SLC6A8: variants seen among roughly 807,000 people sequenced by gnomAD.
SLC6A8 encodes sodium- and chloride-dependent creatine transporter 1.
Under a neutral mutation model 48.3 loss-of-function variants are expected in SLC6A8, and 6 were observed. That is an observed-to-expected ratio of 0.12 (90% confidence interval 0.07 to 0.25). The LOEUF (loss-of-function observed/expected upper bound fraction) is 0.25. SLC6A8 is among the 10% of genes least tolerant of loss of function. The pLI is 1.00. For synonymous variants in SLC6A8, 245 were observed against 244.0 expected, an observed-to-expected ratio of 1.00 and a Z score of -0.04; for missense variants, 260 against 551.5, an observed-to-expected ratio of 0.47 and a Z score of 5.29.
At chrX:153,690,881 G>A (rs782293050) in intron 2 of SLC6A8, 2 of 236,566 alleles carry the variant, frequency 8.5e-6, no homozygotes, top group East Asian at 2.0e-4. Flanking sequence ...CACTACCTCA[G>A]GCGACTAGAA....
Position 153,695,125 on chromosome X carries a change from C to G in SLC6A8, c.1819C>G (p.Arg607Gly), listed in dbSNP as rs1377233837. 4.2e-6 allele frequency: 5 copies of G among 1,201,140 alleles called. No individual in the cohort carries two copies. Among genetic ancestry groups the G allele is most frequent in the Non-Finnish European group, 5.6e-6 (5 of 890,369 alleles). ...CTGGGGCCTCCACCACTTGGAGTAC[C>G]GAGCTCAGGACGCAGATGTCAGGGG... ...PIWGLHHLEY[R>G]AQDADVRGLT... is the part of the protein sequence containing the mutation. Residue 607 changes from arginine to glycine, a missense_variant, in exon 13 of 13, where the codon CGA (arginine) becomes GGA (glycine). Coordinates refer to ENST00000253122, the MANE Select transcript of SLC6A8 (RefSeq NM_005629.4).
At chrX:153,691,623 G>A (rs1314634474) in intron 3 of SLC6A8, 70 bp downstream of exon 3, 1 of 1,162,195 alleles carries the variant, frequency 8.6e-7, no homozygotes, top group Non-Finnish European at 1.2e-6. Flanking sequence ...CGGCTCCAGG[G>A]GAGTGGCCCT....
chrX:153,691,261 T>C (rs1282279383), intron 2 of SLC6A8, 43 bp from the exon 3 acceptor site: 14 of 1,162,591 alleles, frequency 1.2e-5, no homozygotes, highest in South Asian at 1.9e-5. Flanking sequence ...CAGGGGGAGG[T>C]GGCCAGGGAA....
chrX:153,690,777 G>A (rs1160105745), intron 2 of SLC6A8: 4 of 363,610 alleles, frequency 1.1e-5, no homozygotes, highest in African/African-American at 5.2e-5. Context: ...GGCTCTCTAG[G>A]TAGGTCCTAC....
Position 153,691,564 on chromosome X carries a change from C to T in SLC6A8, c.644+11C>T. On this transcript the variant is annotated intron_variant, in intron 3 of 12. Transcript: ENST00000253122. ...CATCGAGTTCTGGGAGTGAGTCCGG[C>T]ACCTCTGGGCCAAGCCCATCCCATC... The T allele has an allele frequency of 5.8e-6, 7 of 1,210,897 alleles. No individual in the cohort carries two copies. Among genetic ancestry groups the T allele is most frequent in the Non-Finnish European group, 7.8e-6 (7 of 894,869 alleles).
intron 4 of SLC6A8, chrX:153,692,508 G>A (rs1345609450): frequency 8.8e-6 from 3 of 341,159 alleles, no homozygotes; most frequent in Non-Finnish European, 5.7e-6. Context: ...AGTGTCTAGA[G>A]CTGTGGGACA....
In SLC6A8 at chrX:153,688,600, G is replaced by T. The variant is rs1198790754; in HGVS notation, c.26G>T (p.Gly9Val). 42 of 1,062,310 alleles carry T rather than the reference G, an allele frequency of 4.0e-5. No individual in the cohort carries two copies. The highest frequency in any genetic ancestry group is 1.3e-5 in the Non-Finnish European group (11 of 818,641). 87.5% of individuals were successfully genotyped at this position (1,062,310 alleles called of 1,213,427 possible). ...ATGGCGAAGAAGAGCGCCGAGAACG[G>T]CATCTATAGCGTGTCCGGCGACGAG... MAKKSAEN[G>V]IYSVSGDEKK... The change falls in exon 1 of 13, where the codon GGC becomes GTC. Residue 9 changes from glycine (G) to valine (V), a missense_variant. Gly to Val is a moderately radical substitution (Grantham distance 109, BLOSUM62 -3). Around this residue, in one of 7 missense-constraint regions of SLC6A8, gnomAD observed 50 missense variants for 55.1 expected, o/e 0.91. Transcript: ENST00000253122.
rs781856668 is a variant in SLC6A8 at position 153,693,764 on chromosome X, C to T, written c.1142-141C>T. On this transcript the variant is annotated intron_variant, in intron 7 of 12. Coordinates refer to ENST00000253122, the MANE Select transcript of SLC6A8 (RefSeq NM_005629.4). Reference sequence around the variant, plus strand: ...TCAATGTTGACAGAGAAAGGACCTCCCAGCCCCTGCCGCACGACCCAGGGT... The same window carrying T: ...TCAATGTTGACAGAGAAAGGACCTCTCAGCCCCTGCCGCACGACCCAGGGT... 2.0e-5 allele frequency: 16 copies of T among 781,579 alleles called. No individual in the cohort carries two copies. In the South Asian group the frequency reaches 3.6e-4, roughly 18 times the overall value. The allele number at this position is 781,579 out of a possible 1,213,427, so 64.4% of individuals were successfully genotyped here. A position where few individuals can be genotyped will look rare whatever the true frequency, so the allele number is the denominator to read the frequency against.
At position 153,693,302 on chromosome X, in the gene SLC6A8, G is replaced by A. The variant is rs373953317; in HGVS notation, c.952G>A (p.Ala318Thr). ...DAGTQIFFSY[A>T]IGLGALTALG... ...GGGGACCCAGATTTTCTTTTCTTACGCCATTGGCCTGGGGGCCCTCACAGC... is the reference window on the plus strand; with the variant it reads ...GGGGACCCAGATTTTCTTTTCTTACACCATTGGCCTGGGGGCCCTCACAGC... Residue 318 changes from alanine (A) to threonine (T), a missense_variant, in exon 6 of 13, where the codon GCC (alanine) becomes ACC (threonine). Ala to Thr is a moderately conservative substitution (Grantham distance 58, BLOSUM62 0). Coordinates refer to ENST00000253122, the MANE Select transcript of SLC6A8 (RefSeq NM_005629.4). 1.7e-6 allele frequency: 2 copies of A among 1,209,954 alleles called. No individual in the cohort carries two copies. The highest frequency in any genetic ancestry group is 3.0e-5 in the East Asian group (1 of 33,775).
chrX:153,692,403 T>C lies in SLC6A8; in HGVS notation c.777+296T>C, dbSNP rs2091461001. On this transcript the variant is annotated intron_variant, in intron 4 of 12. Transcript: ENST00000253122. ...GTCTGGTGGACCTGGTCTGGCCATC[T>C]GTTACCTATCTTGCCTTGGGGACCC... 3 of 391,298 alleles carry C rather than the reference T, an allele frequency of 7.7e-6. No homozygotes were observed. The South Asian group carries it at 7.7e-5, about 10-fold the overall frequency. The allele number at this position is 391,298 out of a possible 1,213,427, so 32.2% of individuals were successfully genotyped here.
At chrX:153,693,749 CAG>C (rs782744194) in intron 7 of SLC6A8, among the ~76,000 whole-genome samples, 154 bp from the exon 8 acceptor site, 114 of 113,375 alleles carry the variant, frequency 1.0e-3, no homozygotes, top group Admixed American at 1.5e-3. Flanking sequence ...TCAATGTTGA[CAG>C]AGAAAGGACC....
chrX:153,691,488 C>T lies in SLC6A8; in HGVS notation c.579C>T (p.Ala193=), dbSNP rs782164730. Residue 193 remains alanine, a synonymous_variant, in exon 3 of 13, where the codon GCC becomes GCT. Coordinates refer to ENST00000253122, the MANE Select transcript of SLC6A8 (RefSeq NM_005629.4). Reference sequence around the variant, plus strand: ...TCCGCCATGAAGACTGTGCCAATGCCAGCCTGGCCAACCTCACCTGTGACC... The same window carrying T: ...TCCGCCATGAAGACTGTGCCAATGCTAGCCTGGCCAACCTCACCTGTGACC... ...EIFRHEDCAN[A]SLANLTCDQL... is the part of the protein sequence containing the mutation. The T allele has an allele frequency of 2.4e-5, 29 of 1,211,840 alleles. No individual in the cohort carries two copies. Among genetic ancestry groups the T allele is most frequent in the Non-Finnish European group, 3.0e-5 (27 of 895,230 alleles).
intron 4 of SLC6A8, chrX:153,692,335 AC>A: frequency 2.2e-6 from 1 of 459,613 alleles, no homozygotes. Context: ...TGTGCCCATC[AC>A]CCCCACTGGT....
Position 153,688,081 on chromosome X carries a change from T to G in SLC6A8, c.-494T>G. 1.2e-5 allele frequency: 1 copy of G among 80,124 alleles called. No homozygotes were observed. The highest frequency in any genetic ancestry group is 4.8e-5 in the African/African-American group (1 of 20,837). The allele number at this position is 80,124 out of a possible 1,213,427, so 6.6% of individuals were successfully genotyped here. On this transcript the variant is annotated 5_prime_UTR_variant, in exon 1 of 13. Transcript: ENST00000253122. ...GCCGCCGCCACCACCGCCACCGGAGTCGCGGGCCAGCCGGGCAGCCTCCGC... is the reference window on the plus strand; with the variant it reads ...GCCGCCGCCACCACCGCCACCGGAGGCGCGGGCCAGCCGGGCAGCCTCCGC...
chrX:153,689,459 G>A (rs2091443766), intron 1 of SLC6A8: 1 of 300,802 alleles, frequency 3.3e-6, no homozygotes, highest in Non-Finnish European at 4.3e-6. Flanking sequence ...CAACAGCGAT[G>A]GGCACGCGTG....
chrX:153,695,639 GGGA>G lies in SLC6A8; in HGVS notation c.*430_*432del, dbSNP rs1293221237. ...GGAAGGGAAGGAGGGAGAGACGGGA[GGGA>G]GGAGAGAGAGGAGAAGGGAGGCAGG... On this transcript the variant is annotated 3_prime_UTR_variant, in exon 13 of 13. Transcript: ENST00000253122. 1 of 188,499 alleles carries G rather than the reference GGGA, an allele frequency of 5.3e-6. No individual in the cohort carries two copies. Among genetic ancestry groups the G allele is most frequent in the Admixed American group, 7.1e-5 (1 of 14,149 alleles). The allele number at this position is 188,499 out of a possible 1,213,427, so 15.5% of individuals were successfully genotyped here.
intron 1 of SLC6A8, chrX:153,689,082 G>A (rs1179497228): frequency 8.3e-6 from 1 of 120,686 alleles, no homozygotes; most frequent in Non-Finnish European, 1.7e-5. Flanking sequence ...CTGCCCCCCA[G>A]ACTCCCGGGC....
intron 2 of SLC6A8, 131 bp from the exon 3 acceptor site, chrX:153,691,173 C>T (rs1192775670): frequency 1.3e-5 from 10 of 745,995 alleles, no homozygotes; most frequent in Non-Finnish European, 2.0e-5. Flanking sequence ...CCAGGGGAGT[C>T]AGGAGCACCA....
chrX:153,696,564 C>T lies in SLC6A8; in HGVS notation c.*1350C>T, dbSNP rs2091493653. 3.3e-6 allele frequency: 1 copy of T among 301,745 alleles called. No homozygotes were observed. Among genetic ancestry groups the T allele is most frequent in the Non-Finnish European group, 6.4e-6 (1 of 155,196 alleles). The allele number at this position is 301,745 out of a possible 1,213,427, so 24.9% of individuals were successfully genotyped here. A position where few individuals can be genotyped will look rare whatever the true frequency, so the allele number is the denominator to read the frequency against. On this transcript the variant is annotated 3_prime_UTR_variant, in exon 13 of 13. Coordinates refer to ENST00000253122, the MANE Select transcript of SLC6A8 (RefSeq NM_005629.4). ...TGCTAAAAAGCCACTGCAGACATAG[C>T]AATAAAAACATGTCATTTTCCAAAG...
Sources: gnomAD v4.1 joint callset for allele counts (sites outside exome capture counted in the v4.1 genomes callset) on GRCh38, gnomAD v4.1.1 for gene constraint, gnomAD v4.1.1 regional missense constraint, MANE v1.5 for transcripts, NCBI Gene and HGNC (gene_info 2026-07-23, HGNC 2026-07-21) for gene names.